Variants in DNAH11 observed in about 807,000 individuals in gnomAD.
DNAH11 encodes the protein dynein axonemal heavy chain 11, also known as axonemal beta dynein heavy chain 11.
DNAH11 carries 442 observed loss-of-function variants against 526.0 expected under a neutral mutation model. That is an observed-to-expected ratio of 0.84 (90% CI 0.78 to 0.91). DNAH11 has a LOEUF of 0.91. DNAH11 is among the 40% of genes least tolerant of loss of function. DNAH11 has a pLI of 0.00. For missense variants in DNAH11, 6,989 were observed against 5,448.7 expected, an observed-to-expected ratio of 1.28 and a Z score of -8.90; for synonymous variants, 2,461 against 1,935.9, an observed-to-expected ratio of 1.27 and a Z score of -7.12.
intron 25 of DNAH11, among the ~76,000 whole-genome samples, chr7:21,626,256 C>T (rs1786327264): frequency 6.6e-6 from 1 of 152,080 alleles, no homozygotes. Flanking sequence ...ACATAATGTC[C>T]TCTAGTTCCA....
intron 66 of DNAH11, among the ~76,000 whole-genome samples, chr7:21,852,026 T>C (rs1373414360): frequency 6.6e-6 from 1 of 152,140 alleles, no homozygotes; most frequent in Non-Finnish European, 1.5e-5. Context: ...TTTCTAAAAA[T>C]TGTGATTGGT....
rs944606542 is a variant in DNAH11, at chr7:21,601,393, T to C, written c.3426-3T>C. 1.9e-6 allele frequency: 3 copies of C among 1,608,568 alleles called. No homozygotes were observed. The highest frequency in any genetic ancestry group is 2.7e-5 in the African/African-American group (2 of 74,764). On this transcript the variant is annotated splice_region_variant and splice_polypyrimidine_tract_variant and intron_variant, in intron 17 of 81. Transcript: ENST00000409508. ...TGTATCTATGTACATATATATTTAA[T>C]AGTCTGAATGAGCTACAAGAATTTA...
At chr7:21,659,120 G>A in intron 30 of DNAH11, 89 bp downstream of exon 30, 1 of 1,099,774 alleles carries the variant, frequency 9.1e-7, no homozygotes, top group Non-Finnish European at 1.3e-6. Context: ...CATTTACCGA[G>A]TGTCATCTGT....
At chr7:21,574,250 G>A (rs1227746198) in intron 8 of DNAH11, among the ~76,000 whole-genome samples, 1 of 152,168 alleles carries the variant, frequency 6.6e-6, no homozygotes, top group East Asian at 1.9e-4. Context: ...AAATCCCTCA[G>A]ATACCTAAGC....
intron 49 of DNAH11, among the ~76,000 whole-genome samples, chr7:21,743,781 C>A (rs1243502881): frequency 1.3e-5 from 2 of 152,196 alleles, no homozygotes; most frequent in Admixed American, 1.3e-4. Flanking sequence ...CCTGCTCACC[C>A]TTCATATCCT....
At chr7:21,858,248 T>A (rs984331641) in intron 68 of DNAH11, among the ~76,000 whole-genome samples, 1 of 152,200 alleles carries the variant, frequency 6.6e-6, no homozygotes, top group Admixed American at 6.5e-5. Flanking sequence ...AGCACAGATA[T>A]GGTACTACAG....
chr7:21,628,733 T>TAAG (rs1786464853), intron 25 of DNAH11, among the ~76,000 whole-genome samples: 1 of 152,134 alleles, frequency 6.6e-6, no homozygotes, highest in African/African-American at 2.4e-5. Flanking sequence ...TTATCAGTAG[T>TAAG]ATTGGCCTGT....
chr7:21,821,893 C>T (rs954192899), intron 65 of DNAH11, among the ~76,000 whole-genome samples: 5 of 152,054 alleles, frequency 3.3e-5, no homozygotes, highest in African/African-American at 1.2e-4. Flanking sequence ...GTTGTAACCA[C>T]CATTCTCCTC....
intron 8 of DNAH11, among the ~76,000 whole-genome samples, chr7:21,574,708 G>C (rs138418808): frequency 0.052 from 7,530 of 145,018 alleles, 629 homozygotes; most frequent in African/African-American, 0.18. Context: ...GGATTACAGG[G>C]GCACACCACC....
intron 25 of DNAH11, among the ~76,000 whole-genome samples, chr7:21,629,826 G>T (rs1231164400): frequency 6.6e-6 from 1 of 151,806 alleles, no homozygotes; most frequent in East Asian, 1.9e-4. Context: ...AGGTGAAGTG[G>T]GTTTCTTGTA....
chr7:21,642,815 ACCACTACAACCGCCATT>A lies in DNAH11; in HGVS notation c.4944+3752_4944+3768del, dbSNP rs1260245706. ...ATAGACCAGCCAGGGAGGTCTGATA[ACCACTACAACCGCCATT>A]CTGCAAGCAGAAACCCCCAGTTTAA... is the stretch of plus-strand genomic sequence containing the variant. On this transcript the variant is annotated intron_variant, in intron 28 of 81. Coordinates refer to ENST00000409508, the MANE Select transcript of DNAH11 (RefSeq NM_001277115.2). Among the ~76,000 whole-genome samples the A allele has an allele frequency of 2.3e-4, 35 of 152,222 alleles. No individual in the cohort carries two copies. In the East Asian group the frequency reaches 4.3e-3, roughly 19 times the overall value.
At chr7:21,850,094 C>T (rs1375829090) in intron 66 of DNAH11, among the ~76,000 whole-genome samples, 7 of 151,714 alleles carry the variant, frequency 4.6e-5, no homozygotes, top group Admixed American at 2.0e-4. Context: ...CGGTGGCTCA[C>T]GCCTGTAATC....
intron 2 of DNAH11, among the ~76,000 whole-genome samples, chr7:21,546,017 C>G (rs1782791847): frequency 6.6e-6 from 1 of 152,146 alleles, no homozygotes; most frequent in Non-Finnish European, 1.5e-5. Context: ...CCAGGTGATT[C>G]TAATGTACAG....
chr7:21,735,646 C>A lies in DNAH11; in HGVS notation c.7447C>A (p.Leu2483Ile), dbSNP rs766687907. 1 of 1,582,514 alleles carries A rather than the reference C, an allele frequency of 6.3e-7. No homozygotes were observed. Among genetic ancestry groups the A allele is most frequent in the South Asian group, 1.1e-5 (1 of 87,502 alleles). ...ATTCTGTTTCTCCTCCCAGACAGTT[C>A]TCGTTCACACAACAGAGACAGCTCG... The part of the protein sequence containing the change: ...MDPDVPLQTV[L>I]VHTTETARLR... Residue 2483 changes from leucine (L) to isoleucine (I), a missense_variant, in exon 46 of 82, where the codon CTC becomes ATC. Transcript: ENST00000409508.
chr7:21,722,888 A>G (rs1304444944), intron 44 of DNAH11, among the ~76,000 whole-genome samples: 1 of 152,062 alleles, frequency 6.6e-6, no homozygotes, highest in African/African-American at 2.4e-5. Flanking sequence ...GATAGCGGAC[A>G]TCTTCCCCCT....
At chr7:21,642,322 C>T (rs1025381533) in intron 28 of DNAH11, among the ~76,000 whole-genome samples, 15 of 152,076 alleles carry the variant, frequency 9.9e-5, no homozygotes, top group Admixed American at 1.3e-4. Flanking sequence ...TGAGAAGGAG[C>T]TAGGGGCCAT....
chr7:21,669,507 T>C (rs1310482117), intron 30 of DNAH11, among the ~76,000 whole-genome samples: 1 of 152,170 alleles, frequency 6.6e-6, no homozygotes, highest in African/African-American at 2.4e-5. Flanking sequence ...CTTTATTTAT[T>C]TGGGATACAA....
At chr7:21,801,421 C>G in intron 62 of DNAH11, 146 bp downstream of exon 62, 1 of 1,124,994 alleles carries the variant, frequency 8.9e-7, no homozygotes, top group Non-Finnish European at 1.2e-6. Context: ...GTGGCTCTAA[C>G]TCACCAGAAG....
At chr7:21,682,811 G>T (rs1023072716) in intron 31 of DNAH11, among the ~76,000 whole-genome samples, 2 of 152,030 alleles carry the variant, frequency 1.3e-5, no homozygotes, top group African/African-American at 2.4e-5. Context: ...TTCATAAAGT[G>T]CAAGAAAATG....
Sources: gnomAD v4.1 joint callset for allele counts (sites outside exome capture counted in the v4.1 genomes callset) on GRCh38, gnomAD v4.1.1 for gene constraint, MANE v1.5 for transcripts, NCBI Gene and HGNC (gene_info 2026-07-23, HGNC 2026-07-21) for gene names.